CTNNA2: variants seen among roughly 807,000 people sequenced by gnomAD.
CTNNA2 encodes catenin alpha-2.
A neutral mutation model predicts 101.0 loss-of-function variants in CTNNA2; 42 were observed. That is an observed-to-expected ratio of 0.42 (90% CI 0.32 to 0.54). The LOEUF is 0.54. Ranked by LOEUF, CTNNA2 falls within the 20% of genes least tolerant of loss-of-function variation. The pLI is 0.14. For missense variants in CTNNA2, 871 were observed against 1,223.1 expected (o/e 0.71, Z 4.29); for synonymous variants, 450 against 456.4 (o/e 0.99, Z 0.18).
chr2:80,080,275 T>TA (rs1288025394), intron 7 of CTNNA2, among the ~76,000 whole-genome samples: 1 of 152,148 alleles, frequency 6.6e-6, no homozygotes, highest in African/African-American at 2.4e-5. Context: ...CTTTAAGACT[T>TA]ACAGTGAAGC....
At chr2:80,236,848 A>C (rs1234804293) in intron 7 of CTNNA2, among the ~76,000 whole-genome samples, 1 of 152,204 alleles carries the variant, frequency 6.6e-6, no homozygotes, top group Admixed American at 6.5e-5. Context: ...GCTTCTCCTC[A>C]CTATTAAATG....
intron 7 of CTNNA2, among the ~76,000 whole-genome samples, chr2:80,384,979 T>C (rs1676865120): frequency 6.6e-6 from 1 of 152,108 alleles, no homozygotes; most frequent in Admixed American, 6.5e-5. Context: ...AGGTAACCCA[T>C]GGATAGAAAC....
At chr2:79,881,249 A>G (rs1254856913) in intron 6 of CTNNA2, among the ~76,000 whole-genome samples, 1 of 152,212 alleles carries the variant, frequency 6.6e-6, no homozygotes, top group African/African-American at 2.4e-5. Flanking sequence ...CAATTTTATA[A>G]TAAGTGCCAT....
intron 4 of CTNNA2, among the ~76,000 whole-genome samples, chr2:79,440,226 G>A (rs764980311): frequency 7.2e-5 from 11 of 152,116 alleles, no homozygotes; most frequent in Non-Finnish European, 1.6e-4. Flanking sequence ...CATTATACAT[G>A]TGGTATCCAC....
At chr2:80,073,982 T>A (rs1321622978) in intron 7 of CTNNA2, among the ~76,000 whole-genome samples, 2 of 152,118 alleles carry the variant, frequency 1.3e-5, no homozygotes, top group Non-Finnish European at 2.9e-5. Context: ...GACCTACGGG[T>A]ATGTAGTGAT....
rs144980136 is a variant in CTNNA2 at position 79,393,361 on chromosome 2, C to A, written c.-135+19348C>A. 5.3e-5 allele frequency among the ~76,000 whole-genome samples: 8 copies of A among 152,266 alleles called. No homozygotes were observed. In the East Asian group the frequency reaches 1.5e-3, roughly 29 times the overall value. On this transcript the variant is annotated intron_variant, in intron 4 of 21. Coordinates refer to the CTNNA2 transcript ENST00000466387. The stretch of plus-strand genomic sequence containing the variant: ...AGTTCTGCAAACTGTGGCCTGTGGG[C>A]CAAAATCTGACTACTGCCTGCTTTT...
At chr2:80,231,002 C>T (rs894036036) in intron 7 of CTNNA2, among the ~76,000 whole-genome samples, 4 of 148,232 alleles carry the variant, frequency 2.7e-5, no homozygotes, top group African/African-American at 7.9e-5. Context: ...GCCAGAATCT[C>T]GCTCTGTCGT....
At chr2:79,422,108 G>A (rs1005180973) in intron 4 of CTNNA2, among the ~76,000 whole-genome samples, 4 of 152,196 alleles carry the variant, frequency 2.6e-5, no homozygotes, top group African/African-American at 7.2e-5. Flanking sequence ...AGCTGAGATC[G>A]CGCCATTGCC....
chr2:79,910,594 G>A (rs891139681), intron 7 of CTNNA2, among the ~76,000 whole-genome samples: 1 of 152,210 alleles, frequency 6.6e-6, no homozygotes, highest in Non-Finnish European at 1.5e-5. Flanking sequence ...TCGGGTTTGA[G>A]ATAATTTAGC....
rs79419864 is a variant in CTNNA2 at position 80,323,927 on chromosome 2, G to A, written c.1057-69284G>A. ...AGGTTACTCTCAGCTAACATTAGTG[G>A]TATTTCAGTTTTCATAATGTTTAAT... On this transcript the variant is annotated intron_variant, in intron 7 of 18. Transcript: ENST00000402739. Among the ~76,000 whole-genome samples the A allele has an allele frequency of 7.1e-3, 1,082 of 152,178 alleles. 14 individuals are homozygous for A. The highest frequency in any genetic ancestry group is 0.025 in the African/African-American group (1,019 of 41,532).
chr2:79,884,911 A>G (rs1235490781), intron 6 of CTNNA2, among the ~76,000 whole-genome samples: 1 of 152,122 alleles, frequency 6.6e-6, no homozygotes, highest in East Asian at 1.9e-4. Flanking sequence ...AATTGTATGT[A>G]GGCTAACTGT....
chr2:79,526,512 A>T (rs1019446542), intron 1 of CTNNA2, among the ~76,000 whole-genome samples: 2 of 152,080 alleles, frequency 1.3e-5, no homozygotes, highest in African/African-American at 2.4e-5. Context: ...AAATAAGAAT[A>T]GTCTGAAACA....
rs200758875 is a variant in CTNNA2, at chr2:80,378,359, A to T, written c.1057-14852A>T. On this transcript the variant is annotated intron_variant, in intron 7 of 18. Transcript: ENST00000402739. The stretch of plus-strand genomic sequence containing the variant: ...CAACAAGAGCAAAACTCTGTCTCAA[A>T]AAATAAATAAATAAATAAATAAATA... Among the ~76,000 whole-genome samples the T allele has an allele frequency of 1.0e-3, 130 of 126,912 alleles. 1 individual carries two copies. The highest frequency in any genetic ancestry group is 3.8e-3 in the South Asian group (13 of 3,432). The allele number at this position is 126,912 out of a possible 152,430, so 83.3% of individuals were successfully genotyped here.
intron 7 of CTNNA2, among the ~76,000 whole-genome samples, chr2:80,357,736 A>G (rs565878750): frequency 2.4e-4 from 36 of 152,296 alleles, no homozygotes; most frequent in African/African-American, 8.4e-4. Context: ...AGACAAGGTC[A>G]GGGTTCCTGG....
chr2:80,366,736 G>A (rs181394799), intron 7 of CTNNA2, among the ~76,000 whole-genome samples: 46 of 152,208 alleles, frequency 3.0e-4, no homozygotes, highest in African/African-American at 1.1e-3. Flanking sequence ...TGTGAACCCC[G>A]AATATCTGAG....
Position 80,581,778 on chromosome 2 carries a change from C to T in CTNNA2, c.1966C>T (p.Gln656Ter). 6.2e-7 allele frequency: 1 copy of T among 1,613,090 alleles called. No homozygotes were observed. Among genetic ancestry groups the T allele is most frequent in the Non-Finnish European group, 8.5e-7 (1 of 1,179,284 alleles). The change falls in exon 14 of 19, where the codon CAG becomes TAG. Residue 656 changes from glutamine (Q) to a stop codon, truncating the protein, a stop_gained. Transcript: ENST00000402739. LOFTEE classifies it high-confidence loss of function. ...TGATGTGCGTAGCAGGACAAGTGTT[C>T]AGACTGAGGATGACCAGCTCATTGC... The part of the protein sequence containing the change: ...DYDVRSRTSV[Q>*]TEDDQLIAGQ...
chr2:79,777,781 T>C (rs536093781), intron 3 of CTNNA2, among the ~76,000 whole-genome samples: 1 of 152,280 alleles, frequency 6.6e-6, no homozygotes, highest in East Asian at 1.9e-4. Context: ...ACCTATACTA[T>C]TTCTCCAAAT....
rs556879098 is a variant in CTNNA2 at position 80,306,871 on chromosome 2, C to T, written c.1057-86340C>T. 2.6e-5 allele frequency among the ~76,000 whole-genome samples: 4 copies of T among 151,816 alleles called. No individual in the cohort carries two copies. In the East Asian group the frequency reaches 7.8e-4, roughly 29 times the overall value. ...GGCTGCCAAATGGGCAAGAAGAGGT[C>T]CCACTTTGGATGTCACTTGATTTGT... On this transcript the variant is annotated intron_variant, in intron 7 of 18. Transcript: ENST00000402739.
chr2:79,516,900 G>A (rs1412316319), intron 1 of CTNNA2, among the ~76,000 whole-genome samples: 3 of 152,092 alleles, frequency 2.0e-5, no homozygotes, highest in African/African-American at 4.8e-5. Flanking sequence ...TAAAATTATT[G>A]TATTTTGACC....
Sources: allele counts gnomAD v4.1 joint callset (sites outside exome capture counted in the v4.1 genomes callset), GRCh38; gene constraint gnomAD v4.1.1; transcripts MANE v1.5; gene names NCBI Gene and HGNC (gene_info 2026-07-23, HGNC 2026-07-21).